The following CD109 variants were observed in gnomAD, a reference collection of about 807,000 sequenced individuals.
The protein encoded by CD109 is CD109 antigen.
CD109 carries 149 observed loss-of-function variants against 165.8 expected under a neutral mutation model. The ratio of observed to expected loss-of-function variants is 0.90; its 90% CI spans 0.79 to 1.03. The LOEUF is 1.03. CD109 is among the 50% of genes least tolerant of loss of function. CD109 has a pLI of 0.00. For synonymous variants in CD109, 585 were observed against 592.1 expected, an observed-to-expected ratio of 0.99 and a Z score of 0.18; for missense variants, 1,712 against 1,677.8, an observed-to-expected ratio of 1.02 and a Z score of -0.36.
At chr6:73,730,975 A>G (rs1772348262) in intron 4 of CD109, among the ~76,000 whole-genome samples, 1 of 152,120 alleles carries the variant, frequency 6.6e-6, no homozygotes, top group Non-Finnish European at 1.5e-5. Flanking sequence ...ACAGATATGT[A>G]TGTATTTGTG....
chr6:73,696,622 C>T (rs1010544420), intron 1 of CD109, among the ~76,000 whole-genome samples: 1 of 152,218 alleles, frequency 6.6e-6, no homozygotes, highest in Non-Finnish European at 1.5e-5. Context: ...TGCGATTCTT[C>T]TCTCAAAGAC....
chr6:73,722,396 C>G (rs542724941), intron 2 of CD109, among the ~76,000 whole-genome samples: 1 of 152,250 alleles, frequency 6.6e-6, no homozygotes, highest in African/African-American at 2.4e-5. Context: ...GTAATTTGTT[C>G]AAGGACAGGG....
intron 13 of CD109, among the ~76,000 whole-genome samples, 200 bp downstream of exon 13, chr6:73,767,210 C>T (rs961384464): frequency 5.3e-5 from 8 of 152,096 alleles, no homozygotes; most frequent in African/African-American, 1.9e-4. Context: ...CTCCTCCTAC[C>T]CTCCACCCTC....
rs1776176794 is a variant in CD109 at position 73,823,578 on chromosome 6, C to T, written c.4283C>T (p.Ser1428Leu). The change falls in exon 33 of 33, where the codon TCA (serine) becomes TTA (leucine). Residue 1428 changes from serine to leucine, a missense_variant. Coordinates refer to ENST00000287097, the MANE Select transcript of CD109 (RefSeq NM_133493.5). ...DGASGSHHHS[S>L]VIFIFCFKLL... ...GCTTCAGGCTCCCATCATCACTCTTCAGTCATTTTTATTTTCTGTTTCAAG... is the reference window on the plus strand; with the variant it reads ...GCTTCAGGCTCCCATCATCACTCTTTAGTCATTTTTATTTTCTGTTTCAAG... 2.5e-6 allele frequency: 4 copies of T among 1,613,756 alleles called. No individual in the cohort carries two copies. The highest frequency in any genetic ancestry group is 4.5e-5 in the East Asian group (2 of 44,872).
At chr6:73,813,957 ATAATT>A (rs1244737778) in intron 29 of CD109, among the ~76,000 whole-genome samples, 2 of 152,160 alleles carry the variant, frequency 1.3e-5, no homozygotes, top group African/African-American at 4.8e-5. Flanking sequence ...GGAATACTCT[ATAATT>A]TAATCATTAT....
intron 24 of CD109, among the ~76,000 whole-genome samples, chr6:73,805,625 T>C (rs1356593023): frequency 6.6e-6 from 1 of 152,206 alleles, no homozygotes; most frequent in Non-Finnish European, 1.5e-5. Flanking sequence ...CGAGGCCACA[T>C]TTCAGACTAT....
intron 30 of CD109, among the ~76,000 whole-genome samples, chr6:73,817,589 C>T (rs1467958451): frequency 6.6e-6 from 1 of 152,226 alleles, no homozygotes; most frequent in Admixed American, 6.5e-5. Context: ...CAGGTACTAA[C>T]TTAATGCTAT....
chr6:73,796,405 A>C (rs533306481), intron 23 of CD109, among the ~76,000 whole-genome samples: 1 of 152,204 alleles, frequency 6.6e-6, no homozygotes, highest in Admixed American at 6.5e-5. Flanking sequence ...CTTTCTCCCT[A>C]GGTCTTTCCA....
intron 18 of CD109, 73 bp from the exon 19 acceptor site, chr6:73,783,634 G>A: frequency 1.2e-6 from 1 of 856,440 alleles, no homozygotes. Flanking sequence ...AAATAGTTTA[G>A]ATTATTTTGG....
intron 9 of CD109, 40 bp downstream of exon 9, chr6:73,762,922 A>C: frequency 6.5e-7 from 1 of 1,534,400 alleles, no homozygotes; most frequent in Non-Finnish European, 8.8e-7. Context: ...TATTCATGTG[A>C]CACTGCTTTA....
intron 5 of CD109, among the ~76,000 whole-genome samples, chr6:73,753,532 C>T (rs1773272916): frequency 6.6e-6 from 1 of 152,124 alleles, no homozygotes; most frequent in African/African-American, 2.4e-5. Flanking sequence ...TCTTGATTTG[C>T]ATTTTACCAC....
Position 73,697,582 on chromosome 6 carries a change from A to G in CD109, c.247+10A>G. ...GGAGTCTTTGAAAAAGGTAAGATAA[A>G]CAGCATAAAGTCTTACCCTTCTGCA... On this transcript the variant is annotated intron_variant, in intron 2 of 32. Coordinates refer to ENST00000287097, the MANE Select transcript of CD109 (RefSeq NM_133493.5). 6.2e-7 allele frequency: 1 copy of G among 1,610,166 alleles called. No individual in the cohort carries two copies. The highest frequency in any genetic ancestry group is 1.1e-5 in the South Asian group (1 of 90,936).
chr6:73,707,844 G>T (rs4464751), intron 2 of CD109, among the ~76,000 whole-genome samples: 87,225 of 150,862 alleles, frequency 0.58, 25,588 homozygotes, highest in East Asian at 0.82. Context: ...GTTATTAAAA[G>T]TAATGTCACC....
chr6:73,697,534 C>T lies in CD109; in HGVS notation c.209C>T (p.Thr70Ile), dbSNP rs141000744. 2.5e-6 allele frequency: 4 copies of T among 1,614,040 alleles called. No individual in the cohort carries two copies. The East Asian group carries it at 6.7e-5, about 27-fold the overall frequency. The change falls in exon 2 of 33, where the codon ACT becomes ATT. Residue 70 changes from threonine to isoleucine, a missense_variant. By Grantham distance (89) the Thr-to-Ile change is moderately conservative (BLOSUM62 -1). Coordinates refer to ENST00000287097, the MANE Select transcript of CD109 (RefSeq NM_133493.5). ...CTGCTCAAGACAGCATCAAACCTCA[C>T]TGTCTCTGTCCTGGAAGCAGAAGGA... The part of the protein sequence containing the change: ...AELLKTASNL[T>I]VSVLEAEGVF...
At chr6:73,735,895 G>A (rs1441615338) in intron 4 of CD109, among the ~76,000 whole-genome samples, 3 of 152,256 alleles carry the variant, frequency 2.0e-5, no homozygotes, top group Admixed American at 6.5e-5. Flanking sequence ...AATGGGGCCT[G>A]TTATCTCTAC....
intron 29 of CD109, among the ~76,000 whole-genome samples, chr6:73,813,692 T>C (rs1697613489): frequency 6.6e-6 from 1 of 152,138 alleles, no homozygotes; most frequent in South Asian, 2.1e-4. Flanking sequence ...GGTAATAAAA[T>C]ACTAAACTGT....
chr6:73,772,598 A>G, intron 15 of CD109, among the ~76,000 whole-genome samples: 1 of 152,054 alleles, frequency 6.6e-6, no homozygotes, highest in South Asian at 2.1e-4. Flanking sequence ...ACTCTGCAGA[A>G]AACTTACAAA....
At chr6:73,815,908 GATGCACTGGC>G (rs373015674) in intron 30 of CD109, among the ~76,000 whole-genome samples, 22 of 152,234 alleles carry the variant, frequency 1.4e-4, no homozygotes, top group African/African-American at 5.1e-4. Flanking sequence ...GGGACTTAAA[GATGCACTGGC>G]ATTGAGGAGC....
intron 1 of CD109, among the ~76,000 whole-genome samples, 168 bp downstream of exon 1, chr6:73,696,457 T>C (rs370080673): frequency 3.9e-5 from 6 of 152,214 alleles, no homozygotes; most frequent in East Asian, 3.9e-4. Context: ...TGACCATATG[T>C]AGCTTCAGCG....
Sources: allele counts gnomAD v4.1 joint callset (sites outside exome capture counted in the v4.1 genomes callset), GRCh38; gene constraint gnomAD v4.1.1; transcripts MANE v1.5; gene names NCBI Gene and HGNC (gene_info 2026-07-23, HGNC 2026-07-21).